PTPRR: variants seen among roughly 807,000 people sequenced by gnomAD.
PTPRR encodes the protein receptor-type tyrosine-protein phosphatase R.
PTPRR carries 38 observed loss-of-function variants against 77.2 expected under a neutral mutation model. That is an observed-to-expected ratio of 0.49 (90% CI 0.38 to 0.65). The LOEUF is 0.65. Ranked by LOEUF, PTPRR falls within the 30% of genes least tolerant of loss-of-function variation. The pLI is 0.00. For synonymous variants in PTPRR, 299 were observed against 283.1 expected (o/e 1.06, Z -0.57); for missense variants, 744 against 799.2 (o/e 0.93, Z 0.83).
Position 70,867,475 on chromosome 12 carries a change from A to G in PTPRR, c.357+25204T>C, listed in dbSNP as rs1197269390. On this transcript the variant is annotated intron_variant, in intron 2 of 13. Coordinates refer to ENST00000283228, the MANE Select transcript of PTPRR (RefSeq NM_002849.4). ...AATAAAATACCTAGGAATCCAACTTACAAGGGATGTGAAGGACCTCTTCAA... is the reference window on the plus strand; with the variant it reads ...AATAAAATACCTAGGAATCCAACTTGCAAGGGATGTGAAGGACCTCTTCAA... Among the ~76,000 whole-genome samples, 3 of 152,058 alleles carry G rather than the reference A, an allele frequency of 2.0e-5. No individual in the cohort carries two copies. The East Asian group carries it at 5.8e-4, about 29-fold the overall frequency.
At chr12:70,885,525 C>T (rs918521661) in intron 2 of PTPRR, among the ~76,000 whole-genome samples, 1 of 149,870 alleles carries the variant, frequency 6.7e-6, no homozygotes, top group Admixed American at 6.8e-5. Context: ...AGTTATTTAA[C>T]AGTTAAGGAT....
At chr12:70,719,796 C>A (rs1338206701) in intron 6 of PTPRR, among the ~76,000 whole-genome samples, 2 of 152,278 alleles carry the variant, frequency 1.3e-5, no homozygotes, top group East Asian at 3.9e-4. Context: ...AGGGAGGCTT[C>A]GGCTGCTCCA....
At chr12:70,725,172 T>C (rs548118369) in intron 6 of PTPRR, among the ~76,000 whole-genome samples, 3 of 152,276 alleles carry the variant, frequency 2.0e-5, no homozygotes, top group Non-Finnish European at 4.4e-5. Flanking sequence ...ATTTGCCATC[T>C]AGCTATGTAC....
chr12:70,892,729 C>T lies in PTPRR; in HGVS notation c.307G>A (p.Asp103Asn). 1.9e-6 allele frequency: 3 copies of T among 1,613,402 alleles called. No individual in the cohort carries two copies. Among genetic ancestry groups the T allele is most frequent in the African/African-American group, 1.3e-5 (1 of 74,996 alleles). The change falls in exon 2 of 14, where the codon GAT (aspartate) becomes AAT (asparagine). Residue 103 changes from aspartate to asparagine, a missense_variant. This residue lies in a region of PTPRR where 570 missense variants were observed against 573.2 expected (regional missense o/e 0.99). Coordinates refer to ENST00000283228, the MANE Select transcript of PTPRR (RefSeq NM_002849.4). ...ATTGGGAGATTTTCCACTTCAAGATCTTGACCATCCATGGCCAGCAGATTG... is the reference window on the plus strand; with the variant it reads ...ATTGGGAGATTTTCCACTTCAAGATTTTGACCATCCATGGCCAGCAGATTG... ...SLNLLAMDGQDLEVENLPIPA... is the reference protein window; with the variant it reads ...SLNLLAMDGQNLEVENLPIPA...
chr12:70,765,052 G>A (rs1238156461), intron 2 of PTPRR, among the ~76,000 whole-genome samples: 1 of 152,182 alleles, frequency 6.6e-6, no homozygotes, highest in Admixed American at 6.5e-5. Context: ...AATAGGAACA[G>A]CTCCAGTCTA....
At chr12:70,893,012 AC>A (rs1893366145) in intron 1 of PTPRR, 35 bp from the exon 2 acceptor site, 4 of 1,593,768 alleles carry the variant, frequency 2.5e-6, no homozygotes, top group Non-Finnish European at 2.6e-6. Context: ...AATATCAAAG[AC>A]CCTATTCAGT....
intron 6 of PTPRR, among the ~76,000 whole-genome samples, chr12:70,733,442 AAAAG>A (rs1565672220): frequency 1.1e-5 from 1 of 93,694 alleles, no homozygotes; most frequent in Admixed American, 1.1e-4. Context: ...AAAAAAAAAA[AAAAG>A]AAAGAAAAAA....
chr12:70,688,760 A>G (rs1224455952), intron 8 of PTPRR, among the ~76,000 whole-genome samples: 6 of 152,208 alleles, frequency 3.9e-5, no homozygotes, highest in Admixed American at 3.9e-4. Context: ...AGCACTATTT[A>G]CAATAGCCAA....
chr12:70,681,787 T>A (rs1887671492), intron 10 of PTPRR, among the ~76,000 whole-genome samples: 1 of 152,208 alleles, frequency 6.6e-6, no homozygotes, highest in African/African-American at 2.4e-5. Flanking sequence ...CTGTGAGGTA[T>A]ATGCTGAGAG....
At chr12:70,868,332 A>C (rs1008135148) in intron 2 of PTPRR, among the ~76,000 whole-genome samples, 201 of 140,512 alleles carry the variant, frequency 1.4e-3, no homozygotes, top group African/African-American at 5.1e-3. Flanking sequence ...AACTCAAACA[A>C]ATTTACAAGA....
chr12:70,776,089 C>T (rs891512149), intron 2 of PTPRR, among the ~76,000 whole-genome samples: 1 of 152,128 alleles, frequency 6.6e-6, no homozygotes, highest in African/African-American at 2.4e-5. Context: ...TCAAACTCAA[C>T]ATTACCCAAA....
intron 2 of PTPRR, among the ~76,000 whole-genome samples, chr12:70,787,676 C>A (rs557534362): frequency 2.2e-4 from 33 of 152,246 alleles, no homozygotes; most frequent in African/African-American, 7.7e-4. Flanking sequence ...ATGTCTCACA[C>A]CAGAGTTGCA....
At chr12:70,678,459 AG>A (rs1437598609) in intron 10 of PTPRR, among the ~76,000 whole-genome samples, 1 of 151,196 alleles carries the variant, frequency 6.6e-6, no homozygotes, top group Non-Finnish European at 1.5e-5. Context: ...ATTTTTTTTT[AG>A]ATTATCCAAT....
intron 4 of PTPRR, among the ~76,000 whole-genome samples, chr12:70,760,623 G>A (rs1394762485): frequency 6.6e-6 from 1 of 152,096 alleles, no homozygotes; most frequent in Non-Finnish European, 1.5e-5. Context: ...GTAAAACCCT[G>A]CCTCTATAAG....
chr12:70,687,397 G>T (rs12582198), intron 8 of PTPRR, among the ~76,000 whole-genome samples: 77 of 151,428 alleles, frequency 5.1e-4, no homozygotes, highest in Admixed American at 9.2e-4. Flanking sequence ...TGAGCTATAA[G>T]GGATCTGGCT....
chr12:70,657,215 G>T (rs1886617585), intron 12 of PTPRR, among the ~76,000 whole-genome samples: 1 of 152,166 alleles, frequency 6.6e-6, no homozygotes, highest in Non-Finnish European at 1.5e-5. Context: ...ACTAGGCCTG[G>T]AGAGAAAGAA....
intron 5 of PTPRR, among the ~76,000 whole-genome samples, chr12:70,747,266 A>C (rs1890243140): frequency 6.6e-6 from 1 of 152,242 alleles, no homozygotes; most frequent in African/African-American, 2.4e-5. Context: ...TTTTAGGCTT[A>C]TTGTGTTCAG....
chr12:70,797,005 G>A (rs1032930553), intron 2 of PTPRR, among the ~76,000 whole-genome samples: 3 of 152,092 alleles, frequency 2.0e-5, no homozygotes, highest in Non-Finnish European at 2.9e-5. Context: ...GTGACAGAGC[G>A]AGACTCTGTC....
At chr12:70,860,205 T>A (rs1892728799) in intron 2 of PTPRR, among the ~76,000 whole-genome samples, 1 of 152,144 alleles carries the variant, frequency 6.6e-6, no homozygotes, top group Admixed American at 6.6e-5. Context: ...TCACTTTTAA[T>A]AGAGTCAAAC....
Sources: gnomAD v4.1 joint callset for allele counts (sites outside exome capture counted in the v4.1 genomes callset) on GRCh38, gnomAD v4.1.1 for gene constraint, gnomAD v4.1.1 regional missense constraint, MANE v1.5 for transcripts, NCBI Gene and HGNC (gene_info 2026-07-23, HGNC 2026-07-21) for gene names.